Variants in SERPINB8 observed in about 807,000 individuals in gnomAD.
SERPINB8 encodes serpin family B member 8, also known as serpin B8.
A neutral mutation model predicts 35.3 loss-of-function variants in SERPINB8; 25 were observed. That is an observed-to-expected ratio of 0.71 (90% CI 0.52 to 0.99). The LOEUF is 0.99. SERPINB8 is among the 50% of genes least tolerant of loss of function. The pLI is 0.00. For missense variants in SERPINB8, 484 were observed against 446.5 expected (o/e 1.08, Z -0.76); for synonymous variants, 186 against 160.8 (o/e 1.16, Z -1.19).
chr18:63,986,458 A>G, intron 6 of SERPINB8: 1 of 1,397,956 alleles, frequency 7.2e-7, no homozygotes, highest in East Asian at 2.7e-5. Context: ...TAGTCCCCTC[A>G]TTAGACTCAG....
chr18:63,978,536 C>A, intron 2 of SERPINB8, 60 bp downstream of exon 2: 1 of 1,578,046 alleles, frequency 6.3e-7, no homozygotes, highest in Non-Finnish European at 8.6e-7. Flanking sequence ...TTCCATACAG[C>A]TGTCTTTCTG....
intron 6 of SERPINB8, 144 bp from the exon 7 acceptor site, chr18:63,986,730 T>C (rs1246634681): frequency 1.4e-6 from 2 of 1,409,898 alleles, no homozygotes; most frequent in Admixed American, 2.5e-5. Context: ...TCTTGGTGTG[T>C]TTATAAAAGA....
chr18:63,986,309 G>A, intron 6 of SERPINB8: 3 of 1,608,270 alleles, frequency 1.9e-6, no homozygotes, highest in Non-Finnish European at 2.5e-6. Flanking sequence ...ACAGGCAGAG[G>A]ACAAACAAGG....
chr18:64,000,289 G>A (rs1461992141), intron 1 of SERPINB8, among the ~76,000 whole-genome samples: 1 of 152,134 alleles, frequency 6.6e-6, no homozygotes, highest in African/African-American at 2.4e-5. Flanking sequence ...GTCCATTGCT[G>A]GCTCAGACTA....
At chr18:63,992,232 G>T (rs773424279), downstream of SERPINB8, among the ~76,000 whole-genome samples, 1 of 151,986 alleles carries the variant, frequency 6.6e-6, no homozygotes, top group Non-Finnish European at 1.5e-5. Flanking sequence ...TTTAATGTTT[G>T]GTGAAACCAT....
chr18:63,996,473 A>T (rs1457067968), intron 1 of SERPINB8, among the ~76,000 whole-genome samples: 38 of 152,228 alleles, frequency 2.5e-4, no homozygotes, highest in Non-Finnish European at 5.4e-4. Flanking sequence ...GGAGAAGTCC[A>T]GGATCAACTT....
intron 7 of SERPINB8, among the ~76,000 whole-genome samples, chr18:64,014,946 T>C (rs915014856): frequency 7.9e-5 from 12 of 152,202 alleles, no homozygotes; most frequent in African/African-American, 2.9e-4. Flanking sequence ...AGCACATTTT[T>C]TTAAAATAAT....
Position 63,985,197 on chromosome 18 carries a change from G to A in SERPINB8, c.672G>A (p.Glu224=). The change falls in exon 6 of 7, where the codon GAG becomes GAA. Residue 224 remains glutamate (E), a synonymous_variant. Coordinates refer to ENST00000397985, the MANE Select transcript of SERPINB8 (RefSeq NM_002640.4). ...QVLELPYVEE[E]LSMVILLPDD... is the part of the protein sequence containing the mutation. ...TGGAGCTGCCCTATGTGGAAGAGGAGCTGAGCATGGTCATTCTGCTTCCCG... is the reference window on the plus strand; with the variant it reads ...TGGAGCTGCCCTATGTGGAAGAGGAACTGAGCATGGTCATTCTGCTTCCCG... 6.2e-7 allele frequency: 1 copy of A among 1,614,222 alleles called. No individual in the cohort carries two copies. Among genetic ancestry groups the A allele is most frequent in the Non-Finnish European group, 8.5e-7 (1 of 1,180,042 alleles).
chr18:63,980,532 T>G (rs899425360), intron 3 of SERPINB8, among the ~76,000 whole-genome samples: 1 of 152,178 alleles, frequency 6.6e-6, no homozygotes, highest in African/African-American at 2.4e-5. Flanking sequence ...GCAGCAAGCT[T>G]GGCCATCCTA....
At chr18:63,970,503 C>T (rs2050451681) in intron 1 of SERPINB8, 1 of 153,040 alleles carries the variant, frequency 6.5e-6, no homozygotes, top group African/African-American at 2.4e-5. Context: ...GCGTCTGTTT[C>T]TAGGCTTGCG....
downstream of SERPINB8, among the ~76,000 whole-genome samples, chr18:64,009,363 G>A (rs181754218): frequency 2.1e-4 from 32 of 152,296 alleles, no homozygotes; most frequent in Admixed American, 6.5e-4. Flanking sequence ...ACATAAATAA[G>A]CAAAGGGCCA....
downstream of SERPINB8, among the ~76,000 whole-genome samples, chr18:63,989,760 G>A (rs2050811715): frequency 1.3e-5 from 2 of 151,702 alleles, no homozygotes; most frequent in Non-Finnish European, 2.9e-5. Flanking sequence ...CGGCTAAAAC[G>A]GTGAAACCCC....
Position 64,000,325 on chromosome 18 carries a change from G to A in SERPINB8, c.71-4494G>A, listed in dbSNP as rs563020475. Among the ~76,000 whole-genome samples, 83 of 152,224 alleles carry A rather than the reference G, an allele frequency of 5.5e-4. No individual in the cohort carries two copies. In the South Asian group the frequency reaches 0.013, roughly 24 times the overall value. On this transcript the variant is annotated intron_variant, in intron 1 of 1. Coordinates refer to the SERPINB8 transcript ENST00000493661. ...ATTACCGGGTTATTGTCATAATCCC[G>A]CAAATTCCATTTATTTAGGACCATG...
chr18:63,987,325 G>A lies in SERPINB8; in HGVS notation c.*47G>A, dbSNP rs765606974. 2.1e-5 allele frequency: 33 copies of A among 1,549,086 alleles called. No individual in the cohort carries two copies. The highest frequency in any genetic ancestry group is 2.6e-5 in the Non-Finnish European group (30 of 1,146,142). On this transcript the variant is annotated 3_prime_UTR_variant, in exon 7 of 7. Transcript: ENST00000397985. ...ACCCTCCTTTCCTTCTACCTATCTT[G>A]CCTTAATTAACATTCCCTGTGACCT...
chr18:63,993,569 T>C (rs1240303462), downstream of SERPINB8, among the ~76,000 whole-genome samples: 1 of 152,162 alleles, frequency 6.6e-6, no homozygotes, highest in East Asian at 1.9e-4. Flanking sequence ...TTCCATGAAG[T>C]TGGTGATAGT....
chr18:63,995,980 G>A (rs2050847106), intron 1 of SERPINB8, among the ~76,000 whole-genome samples: 2 of 152,176 alleles, frequency 1.3e-5, no homozygotes, highest in South Asian at 4.1e-4. Context: ...TTGGTCAACA[G>A]GAAGCAGGTG....
At chr18:63,986,674 C>T in intron 6 of SERPINB8, 200 bp from the exon 7 acceptor site, 1 of 1,375,834 alleles carries the variant, frequency 7.3e-7, no homozygotes, top group Non-Finnish European at 9.4e-7. Flanking sequence ...AGCTCTTTTA[C>T]ACTTGTCTCC....
At chr18:63,973,570 G>C (rs907448458) in intron 1 of SERPINB8, among the ~76,000 whole-genome samples, 27 of 152,202 alleles carry the variant, frequency 1.8e-4, no homozygotes, top group African/African-American at 5.3e-4. Context: ...CTTGCCCATG[G>C]CTATGTCCTG....
In SERPINB8 at chr18:63,970,145, GGCGGCA is replaced by G; in HGVS notation, c.-33_-28del. ...TCAAAGCAGCAGCGGCGGCGGCGGC[GGCGGCA>G]GCAGCAGCAGCAGCAGGAGGTGGGG... On this transcript the variant is annotated 5_prime_UTR_variant, in exon 1 of 7. Coordinates refer to ENST00000397985, the MANE Select transcript of SERPINB8 (RefSeq NM_002640.4). 5 of 368,540 alleles carry G rather than the reference GGCGGCA, an allele frequency of 1.4e-5. No individual in the cohort carries two copies. The highest frequency in any genetic ancestry group is 2.1e-5 in the Non-Finnish European group (4 of 187,092). The allele number at this position is 368,540 out of a possible 1,614,324, so 22.8% of individuals were successfully genotyped here.
Sources: allele counts gnomAD v4.1 joint callset (sites outside exome capture counted in the v4.1 genomes callset), GRCh38; gene constraint gnomAD v4.1.1; transcripts MANE v1.5; gene names NCBI Gene and HGNC (gene_info 2026-07-23, HGNC 2026-07-21).